CACNA2D1: variants seen among roughly 807,000 people sequenced by gnomAD.
CACNA2D1 encodes voltage-dependent calcium channel subunit alpha-2/delta-1.
Under a neutral mutation model 171.5 loss-of-function variants are expected in CACNA2D1, and 53 were observed. That is an observed-to-expected ratio of 0.31 (90% CI 0.25 to 0.39). The LOEUF is 0.39. Among genes scored for constraint, CACNA2D1 ranks in the 10% least tolerant of loss-of-function variants. The pLI is 1.00. For missense variants in CACNA2D1, 903 were observed against 1,299.8 expected (o/e 0.69, Z 4.69); for synonymous variants, 442 against 443.1 (o/e 1.00, Z 0.03).
intron 10 of CACNA2D1, among the ~76,000 whole-genome samples, chr7:82,054,394 A>C (rs1428934056): frequency 6.6e-6 from 1 of 152,212 alleles, no homozygotes; most frequent in African/African-American, 2.4e-5. Flanking sequence ...GGGAATAGTC[A>C]TCAACTTTAT....
chr7:82,047,099 C>T (rs1454299983), intron 10 of CACNA2D1, among the ~76,000 whole-genome samples: 2 of 152,186 alleles, frequency 1.3e-5, no homozygotes, highest in Non-Finnish European at 2.9e-5. Flanking sequence ...TCTCAACCAT[C>T]TCTTAACCAA....
At chr7:82,433,918 A>G (rs527705767) in intron 1 of CACNA2D1, among the ~76,000 whole-genome samples, 1 of 152,352 alleles carries the variant, frequency 6.6e-6, no homozygotes, top group South Asian at 2.1e-4. Context: ...CCTGGTCACA[A>G]TTAAATGGAC....
chr7:82,172,487 C>G (rs1796114712), intron 3 of CACNA2D1, among the ~76,000 whole-genome samples: 1 of 151,806 alleles, frequency 6.6e-6, no homozygotes, highest in African/African-American at 2.4e-5. Context: ...GGGTCTCACT[C>G]TGTCTCCCAG....
intron 3 of CACNA2D1, among the ~76,000 whole-genome samples, chr7:82,277,271 C>T (rs1441415322): frequency 2.0e-5 from 3 of 152,032 alleles, no homozygotes; most frequent in African/African-American, 4.8e-5. Context: ...GGCACAATCT[C>T]GGCTCATTGC....
At chr7:82,130,640 AGT>A (rs1309983766) in intron 5 of CACNA2D1, among the ~76,000 whole-genome samples, 1 of 151,934 alleles carries the variant, frequency 6.6e-6, no homozygotes, top group African/African-American at 2.4e-5. Flanking sequence ...TAGTCTTAGG[AGT>A]TGGAAAACAA....
chr7:82,295,517 T>C (rs777062321), intron 3 of CACNA2D1, among the ~76,000 whole-genome samples: 1 of 151,678 alleles, frequency 6.6e-6, no homozygotes, highest in Non-Finnish European at 1.5e-5. Flanking sequence ...CTAATTTCTT[T>C]CTTTCTTTTT....
chr7:82,216,766 G>T (rs1801137561), intron 3 of CACNA2D1, among the ~76,000 whole-genome samples: 1 of 151,362 alleles, frequency 6.6e-6, no homozygotes, highest in Non-Finnish European at 1.5e-5. Context: ...AAGACCAAAA[G>T]GACAGAACGT....
intron 5 of CACNA2D1, among the ~76,000 whole-genome samples, chr7:82,121,027 A>G (rs1305910316): frequency 6.6e-6 from 1 of 151,936 alleles, no homozygotes; most frequent in Admixed American, 6.6e-5. Context: ...GGTCTGACTC[A>G]CACAGAGGAA....
At chr7:82,235,689 A>G (rs998391016) in intron 3 of CACNA2D1, among the ~76,000 whole-genome samples, 1 of 152,062 alleles carries the variant, frequency 6.6e-6, no homozygotes, top group Non-Finnish European at 1.5e-5. Context: ...TCATGTTTTT[A>G]TAATATCTGG....
At position 82,285,419 on chromosome 7, in the gene CACNA2D1, C is replaced by T. The variant is rs117573770; in HGVS notation, c.294+49716G>A. 3.9e-4 allele frequency among the ~76,000 whole-genome samples: 60 copies of T among 152,230 alleles called. 2 individuals carry two copies. The East Asian group carries it at 9.7e-3, about 24-fold the overall frequency. On this transcript the variant is annotated intron_variant, in intron 3 of 38. Transcript: ENST00000356860. ...CTGAAAAGTGTCATGATATGCAGTA[C>T]GTACTCTTGAAATAGTTATTCCCTT...
intron 4 of CACNA2D1, among the ~76,000 whole-genome samples, chr7:82,163,169 T>C (rs1466540439): frequency 1.3e-5 from 2 of 152,100 alleles, no homozygotes; most frequent in Non-Finnish European, 1.5e-5. Flanking sequence ...GAAATATATA[T>C]TAGTCTCCAC....
chr7:82,245,676 A>ACACACACTCACACACACT (rs1554479417), intron 3 of CACNA2D1, among the ~76,000 whole-genome samples: 5 of 145,898 alleles, frequency 3.4e-5, no homozygotes, highest in African/African-American at 1.3e-4. Flanking sequence ...ACACACACAC[A>ACACACACTCACACACACT]CACACACACA....
Position 82,189,068 on chromosome 7 carries a change from C to T in CACNA2D1, c.295-18459G>A, listed in dbSNP as rs117503982. 1.9e-3 allele frequency among the ~76,000 whole-genome samples: 295 copies of T among 152,092 alleles called. 8 individuals carry two copies. The East Asian group carries it at 0.044, about 22-fold the overall frequency. ...AGATAGAAAAAGTACCTACTGGGTGCTATGCTTATTACTTGGGTGGCAAAA... is the reference window on the plus strand; with the variant it reads ...AGATAGAAAAAGTACCTACTGGGTGTTATGCTTATTACTTGGGTGGCAAAA... On this transcript the variant is annotated intron_variant, in intron 3 of 38. Coordinates refer to ENST00000356860, the MANE Select transcript of CACNA2D1 (RefSeq NM_000722.4).
At position 82,302,060 on chromosome 7, in the gene CACNA2D1, C is replaced by T. The variant is rs113213586; in HGVS notation, c.294+33075G>A. On this transcript the variant is annotated intron_variant, in intron 3 of 38. Coordinates refer to ENST00000356860, the MANE Select transcript of CACNA2D1 (RefSeq NM_000722.4). ...TAGGCATGAGCCACCGCCTGGCCTA[C>T]GCTTTTATATTTTATAGACAGAATA... Among the ~76,000 whole-genome samples, 581 of 152,138 alleles carry T rather than the reference C, an allele frequency of 3.8e-3. 1 individual carries two copies. The highest frequency in any genetic ancestry group is 6.9e-3 in the Admixed American group (106 of 15,256).
chr7:81,974,912 G>A (rs75684536), intron 24 of CACNA2D1, among the ~76,000 whole-genome samples: 14,040 of 151,916 alleles, frequency 0.092, 681 homozygotes, highest in Middle Eastern at 0.21. Context: ...AAAACCTAAT[G>A]CATGCGGGGT....
chr7:81,953,261 C>T (rs1271677407), intron 38 of CACNA2D1, among the ~76,000 whole-genome samples: 1 of 152,082 alleles, frequency 6.6e-6, no homozygotes, highest in African/African-American at 2.4e-5. Context: ...AAAAAGCAGT[C>T]TTCTTAACAC....
At chr7:82,232,808 G>A (rs1803100764) in intron 3 of CACNA2D1, among the ~76,000 whole-genome samples, 2 of 130,748 alleles carry the variant, frequency 1.5e-5, no homozygotes, top group African/African-American at 2.8e-5. Context: ...AGGTTGCAGT[G>A]AGCTGAGACC....
At chr7:82,366,415 A>G (rs1004881496) in intron 1 of CACNA2D1, among the ~76,000 whole-genome samples, 3 of 152,096 alleles carry the variant, frequency 2.0e-5, no homozygotes, top group African/African-American at 7.2e-5. Flanking sequence ...TATTATTTCA[A>G]TCTTTATAAC....
chr7:82,054,173 A>G (rs1387541951), intron 10 of CACNA2D1, among the ~76,000 whole-genome samples: 3 of 152,254 alleles, frequency 2.0e-5, no homozygotes, highest in African/African-American at 7.2e-5. Flanking sequence ...AAATGTTGAC[A>G]GTATAAAATT....
Sources: allele counts gnomAD v4.1 joint callset (sites outside exome capture counted in the v4.1 genomes callset), GRCh38; gene constraint gnomAD v4.1.1; transcripts MANE v1.5; gene names NCBI Gene and HGNC (gene_info 2026-07-23, HGNC 2026-07-21).